Variants in PABPC4L observed in about 807,000 individuals in gnomAD.
PABPC4L encodes the protein poly(A) binding protein cytoplasmic 4 like.
For synonymous variants in PABPC4L, 169 were observed against 164.1 expected, an observed-to-expected ratio of 1.03 and a Z score of -0.23; for missense variants, 452 against 451.4, an observed-to-expected ratio of 1.00 and a Z score of -0.01.
chr4:134,192,879 T>C (rs1020375414), downstream of PABPC4L, among the ~76,000 whole-genome samples: 4 of 152,108 alleles, frequency 2.6e-5, no homozygotes, highest in Non-Finnish European at 4.4e-5. Context: ...AGACAAGTGC[T>C]TGGGAGAGAG....
At chr4:134,178,054 T>C in the PABPC4L span, among the ~76,000 whole-genome samples, 3 of 152,076 alleles carry the variant, frequency 2.0e-5, no homozygotes, top group Admixed American at 6.6e-5. Flanking sequence ...AAGCCATGCC[T>C]GCTAGAGCTT....
chr4:134,186,766 T>C, the PABPC4L span, among the ~76,000 whole-genome samples: 2 of 152,092 alleles, frequency 1.3e-5, no homozygotes, highest in African/African-American at 4.8e-5. Context: ...ACCTACAGAA[T>C]GGGAAAAAAT....
the PABPC4L span, among the ~76,000 whole-genome samples, chr4:133,981,020 G>C: frequency 2.0e-5 from 3 of 152,136 alleles, no homozygotes; most frequent in Admixed American, 1.3e-4. Flanking sequence ...AATCAGCCGG[G>C]TGTAGTGGCA....
At chr4:134,116,805 T>C in the PABPC4L span, among the ~76,000 whole-genome samples, 5 of 151,776 alleles carry the variant, frequency 3.3e-5, no homozygotes, top group Admixed American at 1.3e-4. Flanking sequence ...AAAATTTCAA[T>C]AGTTTTCCAG....
the PABPC4L span, among the ~76,000 whole-genome samples, chr4:134,003,961 T>C: frequency 6.6e-6 from 1 of 151,894 alleles, no homozygotes; most frequent in East Asian, 1.9e-4. Flanking sequence ...ACACTGAAAG[T>C]GTACCTCATC....
the PABPC4L span, among the ~76,000 whole-genome samples, chr4:134,042,589 C>T: frequency 6.6e-6 from 1 of 152,016 alleles, no homozygotes; most frequent in Non-Finnish European, 1.5e-5. Context: ...CAGTACAATT[C>T]GAGGGGGAAG....
the PABPC4L span, among the ~76,000 whole-genome samples, chr4:134,134,485 C>T: frequency 1.3e-5 from 2 of 151,546 alleles, no homozygotes; most frequent in East Asian, 3.9e-4. Flanking sequence ...CTAAACAAAG[C>T]AAAGTAATTT....
At chr4:134,167,675 T>G in the PABPC4L span, among the ~76,000 whole-genome samples, 1 of 151,422 alleles carries the variant, frequency 6.6e-6, no homozygotes, top group Non-Finnish European at 1.5e-5. Flanking sequence ...GACAAAAATC[T>G]GTAAAAAGAG....
chr4:134,054,530 T>C, the PABPC4L span, among the ~76,000 whole-genome samples: 1 of 151,684 alleles, frequency 6.6e-6, no homozygotes, highest in Non-Finnish European at 1.5e-5. Flanking sequence ...ACTTTTCCTT[T>C]GGCCCCTATC....
chr4:134,125,900 A>G, the PABPC4L span, among the ~76,000 whole-genome samples: 4 of 152,100 alleles, frequency 2.6e-5, no homozygotes, highest in Non-Finnish European at 1.5e-5. Flanking sequence ...TCACACACAG[A>G]GCTATTAACT....
the PABPC4L span, among the ~76,000 whole-genome samples, chr4:133,990,891 A>C: frequency 6.6e-6 from 1 of 152,042 alleles, no homozygotes; most frequent in African/African-American, 2.4e-5. Context: ...CTTCAGCTTA[A>C]TCCTCTCCTG....
chr4:134,026,622 C>T, the PABPC4L span, among the ~76,000 whole-genome samples: 2 of 151,656 alleles, frequency 1.3e-5, no homozygotes, highest in South Asian at 2.1e-4. Flanking sequence ...GAATTGTGTC[C>T]CCCCCCAAAA....
the PABPC4L span, among the ~76,000 whole-genome samples, chr4:134,189,976 T>C: frequency 6.6e-6 from 1 of 152,074 alleles, no homozygotes; most frequent in Non-Finnish European, 1.5e-5. Context: ...TTTTACTCTG[T>C]TTTTCACTGT....
chr4:134,160,079 A>G, the PABPC4L span, among the ~76,000 whole-genome samples: 1 of 152,136 alleles, frequency 6.6e-6, no homozygotes, highest in Non-Finnish European at 1.5e-5. Flanking sequence ...CCTGCTGCTT[A>G]AAGTGATCCA....
At chr4:133,965,670 G>T in the PABPC4L span, among the ~76,000 whole-genome samples, 1 of 151,942 alleles carries the variant, frequency 6.6e-6, no homozygotes, top group Non-Finnish European at 1.5e-5. Context: ...CCAAATACTT[G>T]CAGCCAACTG....
the PABPC4L span, among the ~76,000 whole-genome samples, chr4:134,061,835 GAAAAGA>G: frequency 1.3e-5 from 2 of 150,240 alleles, no homozygotes; most frequent in East Asian, 2.0e-4. Flanking sequence ...GAGAAAAAAA[GAAAAGA>G]AAAAGAAGAA....
At chr4:134,162,143 A>T in the PABPC4L span, among the ~76,000 whole-genome samples, 1 of 152,110 alleles carries the variant, frequency 6.6e-6, no homozygotes, top group Non-Finnish European at 1.5e-5. Flanking sequence ...TAAACAAAGG[A>T]AGACAATAAG....
the PABPC4L span, among the ~76,000 whole-genome samples, chr4:134,140,696 T>C: frequency 1.3e-5 from 2 of 151,884 alleles, no homozygotes; most frequent in Admixed American, 1.3e-4. Flanking sequence ...TCTACGTTTA[T>C]ACATAATTTA....
At chr4:134,160,877 A>C in the PABPC4L span, among the ~76,000 whole-genome samples, 2 of 151,984 alleles carry the variant, frequency 1.3e-5, no homozygotes, top group East Asian at 3.9e-4. Context: ...AAATATATAA[A>C]GTAAAATTTA....
Sources: allele counts gnomAD v4.1 joint callset (sites outside exome capture counted in the v4.1 genomes callset), GRCh38; gene constraint gnomAD v4.1.1; transcripts MANE v1.5; gene names NCBI Gene and HGNC (gene_info 2026-07-23, HGNC 2026-07-21).